SORL1: variants seen among roughly 807,000 people sequenced by gnomAD.
SORL1 encodes the protein sortilin related receptor 1.
A neutral mutation model predicts 273.7 loss-of-function variants in SORL1; 127 were observed. The observed-to-expected ratio is 0.46, with a 90% CI of 0.40 to 0.54. The LOEUF is 0.54. Among genes scored for constraint, SORL1 ranks in the 20% least tolerant of loss-of-function variants. The pLI is 0.00. For synonymous variants in SORL1, 1,031 were observed against 1,067.4 expected, an observed-to-expected ratio of 0.97 and a Z score of 0.66; for missense variants, 2,494 against 2,846.1, an observed-to-expected ratio of 0.88 and a Z score of 2.81.
chr11:121,550,023 T>C lies in SORL1; in HGVS notation c.2115T>C (p.Phe705=). 1.2e-6 allele frequency: 2 copies of C among 1,613,810 alleles called. No homozygotes were observed. The highest frequency in any genetic ancestry group is 8.5e-7 in the Non-Finnish European group (1 of 1,179,766). Reference sequence around the variant, plus strand: ...AGGTTTGTGTTCCAGATCCGGAATTTTCTGGAAAGTCATACTCCCCTCCTG... The same window carrying C: ...AGGTTTGTGTTCCAGATCCGGAATTCTCTGGAAAGTCATACTCCCCTCCTG... ...SLEVCVPDPE[F]SGKSYSPPVP... The change falls in exon 15 of 48, where the codon TTT becomes TTC. Residue 705 remains phenylalanine (F), a synonymous_variant. Transcript: ENST00000260197. The surrounding 1 kb of genome is among the most constrained non-coding windows in gnomAD (Gnocchi z 5.3).
At chr11:121,495,331 C>A (rs1861612892) in intron 5 of SORL1, among the ~76,000 whole-genome samples, 1 of 152,120 alleles carries the variant, frequency 6.6e-6, no homozygotes, top group Non-Finnish European at 1.5e-5. Context: ...AATGGTCCCC[C>A]TCCCTACCCT....
chr11:121,516,554 G>A (rs1242797919), intron 8 of SORL1, among the ~76,000 whole-genome samples: 5 of 152,104 alleles, frequency 3.3e-5, no homozygotes, highest in Non-Finnish European at 7.4e-5. Flanking sequence ...CTCTGACAGT[G>A]CTTTTCCACT....
intron 9 of SORL1, 135 bp from the exon 10 acceptor site, chr11:121,522,451 G>C: frequency 1.4e-6 from 1 of 700,620 alleles, no homozygotes; most frequent in East Asian, 2.5e-5. Flanking sequence ...CAGCTGGGCT[G>C]TGAGTCTGGT....
chr11:121,489,984 T>C, intron 4 of SORL1, 59 bp from the exon 5 acceptor site: 2 of 1,248,806 alleles, frequency 1.6e-6, no homozygotes, highest in South Asian at 2.4e-5. Flanking sequence ...TGTTTGATGG[T>C]GATGCCATTC....
At chr11:121,534,455 G>A (rs1221949112) in intron 12 of SORL1, among the ~76,000 whole-genome samples, 1 of 152,224 alleles carries the variant, frequency 6.6e-6, no homozygotes, top group African/African-American at 2.4e-5. Flanking sequence ...CTTGGGGGTT[G>A]TAGACTTTGG....
chr11:121,476,762 TCCTCCCTC>T (rs1266883729), intron 2 of SORL1, among the ~76,000 whole-genome samples: 1 of 80,148 alleles, frequency 1.2e-5, no homozygotes, highest in Non-Finnish European at 2.5e-5. Flanking sequence ...CTCCCACGCT[TCCTCCCTC>T]CCTCCCTCCC....
intron 31 of SORL1, among the ~76,000 whole-genome samples, chr11:121,591,810 C>G (rs1257359315): frequency 6.6e-6 from 1 of 152,100 alleles, no homozygotes; most frequent in Non-Finnish European, 1.5e-5. Context: ...TGATCTTTTC[C>G]CTTCTTCTGT....
chr11:121,458,695 C>T (rs968750158), intron 1 of SORL1, among the ~76,000 whole-genome samples: 53 of 152,180 alleles, frequency 3.5e-4, no homozygotes, highest in African/African-American at 1.3e-3. Flanking sequence ...GGCTTATCGA[C>T]CTGTGAACCC....
At chr11:121,564,678 G>A (rs1417854192) in intron 21 of SORL1, among the ~76,000 whole-genome samples, 1 of 151,970 alleles carries the variant, frequency 6.6e-6, no homozygotes, top group Non-Finnish European at 1.5e-5. Context: ...CTGGGCTTAA[G>A]CAATCTTCCC....
intron 1 of SORL1, among the ~76,000 whole-genome samples, chr11:121,463,756 C>T (rs145340253): frequency 6.6e-6 from 1 of 152,302 alleles, no homozygotes; most frequent in Non-Finnish European, 1.5e-5. Context: ...ATGAACTGGG[C>T]CTCTCTTCCG....
chr11:121,463,475 C>A (rs892389494), intron 1 of SORL1, among the ~76,000 whole-genome samples: 1 of 152,120 alleles, frequency 6.6e-6, no homozygotes, highest in African/African-American at 2.4e-5. Flanking sequence ...AATAAGCTCT[C>A]TAAACTGATA....
In SORL1 at chr11:121,553,945, G is replaced by C; in HGVS notation, c.2275G>C (p.Glu759Gln). ...LVPCPLAEEN[E>Q]FILYAVRKSI... ...TCTTGTGTGTCTGGCAGAAGAGAAC[G>C]AGTTCATTCTGTATGCTGTGAGGAA... Residue 759 changes from glutamate (E) to glutamine (Q), a missense_variant, in exon 17 of 48, where the codon GAG becomes CAG. Around this residue, in one of 3 missense-constraint regions of SORL1, gnomAD observed 710 missense variants for 882.5 expected, o/e 0.80. Coordinates refer to ENST00000260197, the MANE Select transcript of SORL1 (RefSeq NM_003105.6). 1 of 1,613,202 alleles carries C rather than the reference G, an allele frequency of 6.2e-7. No homozygotes were observed. The highest frequency in any genetic ancestry group is 1.1e-5 in the South Asian group (1 of 90,950).
chr11:121,471,128 A>C (rs1278972143), intron 2 of SORL1, among the ~76,000 whole-genome samples: 1 of 152,188 alleles, frequency 6.6e-6, no homozygotes, highest in Admixed American at 6.5e-5. Context: ...TCTTAATTTG[A>C]ACATACTAAT....
Position 121,478,161 on chromosome 11 carries a change from C to T in SORL1, c.446C>T (p.Ser149Leu), listed in dbSNP as rs1307010175. 6.2e-7 allele frequency: 1 copy of T among 1,613,048 alleles called. No individual in the cohort carries two copies. The highest frequency in any genetic ancestry group is 8.5e-7 in the Non-Finnish European group (1 of 1,179,508). Residue 149 changes from serine (S) to leucine (L), a missense_variant, in exon 3 of 48, where the codon TCA becomes TTA. Physicochemically the swap from Ser to Leu is moderately radical, Grantham distance 145 (BLOSUM62 -2). Around this residue, in one of 3 missense-constraint regions of SORL1, gnomAD observed 710 missense variants for 882.5 expected, o/e 0.80. Coordinates refer to ENST00000260197, the MANE Select transcript of SORL1 (RefSeq NM_003105.6). ...YDYGKSFKKI[S>L]DKLNFGLGNR... ...TATGGAAAATCATTCAAGAAAATTT[C>T]AGACAAGTTAAACTTTGGCTTGGGA...
intron 16 of SORL1, among the ~76,000 whole-genome samples, chr11:121,552,150 T>C (rs1004685500): frequency 2.6e-5 from 4 of 151,892 alleles, no homozygotes; most frequent in African/African-American, 9.7e-5. Context: ...AAAAAAGGCA[T>C]GGAATAGGAG....
intron 14 of SORL1, among the ~76,000 whole-genome samples, chr11:121,547,398 A>C (rs1374329582): frequency 9.0e-6 from 1 of 111,144 alleles, no homozygotes; most frequent in African/African-American, 3.5e-5. Flanking sequence ...CTCTTGCCCT[A>C]CATTTCCCCA....
intron 32 of SORL1, among the ~76,000 whole-genome samples, chr11:121,597,180 G>T (rs1326152049): frequency 6.6e-6 from 1 of 152,204 alleles, no homozygotes; most frequent in Non-Finnish European, 1.5e-5. Context: ...ACCCAGTAAG[G>T]CTCAGGGGGA....
chr11:121,615,157 G>A (rs866352566), intron 41 of SORL1, 102 bp downstream of exon 41: 27 of 954,364 alleles, frequency 2.8e-5, no homozygotes, highest in Non-Finnish European at 3.8e-5. Flanking sequence ...CAAATGTTCC[G>A]GTGCCCCTGC....
chr11:121,527,266 T>G (rs1242471168), intron 11 of SORL1, among the ~76,000 whole-genome samples: 2 of 152,058 alleles, frequency 1.3e-5, no homozygotes, highest in East Asian at 1.9e-4. Context: ...TAAAATGATT[T>G]TTTTCTATTA....
Sources: gnomAD v4.1 joint callset for allele counts (sites outside exome capture counted in the v4.1 genomes callset) on GRCh38, gnomAD v4.1.1 for gene constraint, gnomAD v4.1.1 regional missense constraint, Gnocchi (gnomAD v3.1) non-coding constraint, MANE v1.5 for transcripts, NCBI Gene and HGNC (gene_info 2026-07-23, HGNC 2026-07-21) for gene names.